The following RNF217 variants were observed in gnomAD, a reference collection of about 807,000 sequenced individuals.
RNF217 encodes ring finger protein 217.
RNF217 carries 31 observed loss-of-function variants against 57.8 expected under a neutral mutation model. The observed-to-expected ratio is 0.54, with a 90% CI of 0.40 to 0.72. The LOEUF (loss-of-function observed/expected upper bound fraction) is 0.72, where lower values mean the gene tolerates loss of function less well. Among genes scored for constraint, RNF217 ranks in the 30% least tolerant of loss-of-function variants. The pLI is 0.00. For missense variants in RNF217, 696 were observed against 708.3 expected (o/e 0.98, Z 0.20); for synonymous variants, 313 against 294.0 (o/e 1.06, Z -0.66).
intron 3 of RNF217, among the ~76,000 whole-genome samples, chr6:125,069,097 A>T (rs1309030317): frequency 6.6e-6 from 1 of 152,184 alleles, no homozygotes; most frequent in East Asian, 1.9e-4. Flanking sequence ...AGATTTGGAC[A>T]GTATACTACA....
intron 2 of RNF217, chr6:125,046,462 C>T (rs1437351294): frequency 2.5e-6 from 1 of 393,754 alleles, no homozygotes; most frequent in African/African-American, 2.1e-5. Context: ...CATGACACAC[C>T]AGTGCCCCAG....
intron 1 of RNF217, among the ~76,000 whole-genome samples, chr6:125,021,996 C>T (rs1319039100): frequency 6.6e-6 from 1 of 152,168 alleles, no homozygotes; most frequent in Non-Finnish European, 1.5e-5. Flanking sequence ...ATTCTCCTGC[C>T]TCAGCCTCCC....
chr6:125,009,330 C>A (rs766371835), intron 1 of RNF217: 14 of 1,288,362 alleles, frequency 1.1e-5, no homozygotes, highest in Admixed American at 6.8e-5. Flanking sequence ...CTGCAGGAGC[C>A]CTTGTAATCT....
chr6:125,067,947 GT>G (rs1211198911), intron 3 of RNF217, among the ~76,000 whole-genome samples: 3 of 152,146 alleles, frequency 2.0e-5, no homozygotes, highest in African/African-American at 7.2e-5. Context: ...AAGCAATAGT[GT>G]ATCAAAGGTC....
chr6:125,014,486 A>G (rs1208352509), intron 1 of RNF217, among the ~76,000 whole-genome samples: 1 of 152,144 alleles, frequency 6.6e-6, no homozygotes, highest in East Asian at 1.9e-4. Flanking sequence ...TGGTACAGCT[A>G]TTGTTCAAAC....
chr6:124,966,423 T>G (rs1188825581), intron 1 of RNF217, among the ~76,000 whole-genome samples: 3 of 152,206 alleles, frequency 2.0e-5, no homozygotes, highest in African/African-American at 7.2e-5. Flanking sequence ...AAGGGCATAG[T>G]GAGTGCTTTC....
At chr6:125,028,736 G>A (rs1326212013) in intron 1 of RNF217, among the ~76,000 whole-genome samples, 1 of 151,920 alleles carries the variant, frequency 6.6e-6, no homozygotes, top group Non-Finnish European at 1.5e-5. Flanking sequence ...TCACTTAAAA[G>A]AGAATGGTGT....
rs762638012 is a variant in RNF217, at chr6:125,081,435, G to A, written c.1484-1G>A. 1 of 1,610,192 alleles carries A rather than the reference G, an allele frequency of 6.2e-7. No homozygotes were observed. The highest frequency in any genetic ancestry group is 8.5e-7 in the Non-Finnish European group (1 of 1,177,748). ...AAATAATTTTGCCTTTTGTTTTCCA[G>A]CTGGAAAATTATTCATTGCACCTCT... On this transcript the variant is annotated splice_acceptor_variant, in intron 4 of 5. Coordinates refer to ENST00000521654, the MANE Select transcript of RNF217 (RefSeq NM_001286398.3). LOFTEE classifies it high-confidence loss of function.
Position 124,962,811 on chromosome 6 carries a change from A to T in RNF217, c.267A>T (p.Gly89=). 6.3e-7 allele frequency: 1 copy of T among 1,597,606 alleles called. No individual in the cohort carries two copies. The part of the protein sequence containing the change: ...SKSRAPAQPA[G]LALTGPLNPQ... The stretch of plus-strand genomic sequence containing the variant: ...GCCGAGCACCGGCGCAGCCTGCGGG[A>T]CTGGCACTCACCGGGCCTCTCAATC... Residue 89 remains glycine (G), a synonymous_variant, in exon 1 of 6, where the codon GGA becomes GGT. Coordinates refer to ENST00000521654, the MANE Select transcript of RNF217 (RefSeq NM_001286398.3). This position sits in a 1 kb window ranked among gnomAD's most constrained non-coding sequence, Gnocchi z 4.6.
chr6:125,046,627 G>A (rs1582749035), intron 2 of RNF217: 5 of 455,944 alleles, frequency 1.1e-5, no homozygotes. Context: ...GGATGAAGTG[G>A]TTTCAAAGGC....
intron 1 of RNF217, among the ~76,000 whole-genome samples, chr6:124,970,404 G>A (rs887545578): frequency 3.9e-4 from 60 of 152,296 alleles, no homozygotes; most frequent in African/African-American, 1.4e-3. Context: ...GCCAATGATT[G>A]CACATGGGAT....
At position 124,979,915 on chromosome 6, in the gene RNF217, TC is replaced by T. The variant is rs943360349; in HGVS notation, c.882+16490del. On this transcript the variant is annotated intron_variant, in intron 1 of 5. Transcript: ENST00000521654. ...TACAAGTGGTGGAGATGGCTCTGTCTCATGTCCTGTCACTTACTGGATCTTT... is the reference window on the plus strand; with the variant it reads ...TACAAGTGGTGGAGATGGCTCTGTCTATGTCCTGTCACTTACTGGATCTTT... 3.5e-4 allele frequency among the ~76,000 whole-genome samples: 53 copies of T among 152,312 alleles called. 1 individual carries two copies. The highest frequency in any genetic ancestry group is 3.1e-3 in the Admixed American group (47 of 15,302).
At chr6:125,074,344 GA>G (rs1788277446) in intron 3 of RNF217, among the ~76,000 whole-genome samples, 2 of 145,846 alleles carry the variant, frequency 1.4e-5, no homozygotes, top group Admixed American at 6.9e-5. Context: ...TAGATAGATA[GA>G]TAGATAGGGA....
chr6:125,061,605 T>G (rs1377621643), intron 3 of RNF217, among the ~76,000 whole-genome samples: 1 of 151,768 alleles, frequency 6.6e-6, no homozygotes, highest in Non-Finnish European at 1.5e-5. Context: ...TATTTCTTCC[T>G]TTTTATTTGA....
At chr6:125,030,925 T>G (rs915924080) in intron 1 of RNF217, among the ~76,000 whole-genome samples, 4 of 152,200 alleles carry the variant, frequency 2.6e-5, no homozygotes, top group Non-Finnish European at 5.9e-5. Flanking sequence ...ATGAGGGCCC[T>G]GCCCCTGCAG....
At chr6:125,019,830 C>CGG (rs1554287189) in intron 1 of RNF217, among the ~76,000 whole-genome samples, 13 of 116,266 alleles carry the variant, frequency 1.1e-4, no homozygotes, top group Admixed American at 7.1e-4. Context: ...CCCTTTTTTG[C>CGG]AGTGGGGGGG....
rs534668460 is a variant in RNF217, at chr6:124,962,903, G to A, written c.359G>A (p.Gly120Glu). 1.9e-6 allele frequency: 3 copies of A among 1,598,116 alleles called. No individual in the cohort carries two copies. In the South Asian group the frequency reaches 3.3e-5, roughly 18 times the overall value. ...EEEEAGDRKEGGDEQQEAPPG... is the reference protein window; with the variant it reads ...EEEEAGDRKEEGDEQQEAPPG... ...GAGGAAGCTGGGGATCGAAAAGAGG[G>A]AGGGGATGAACAGCAGGAGGCGCCC... The change falls in exon 1 of 6, where the codon GGA becomes GAA. Residue 120 changes from glycine (G) to glutamate (E), a missense_variant. Physicochemically the swap from Gly to Glu is moderately conservative, Grantham distance 98 (BLOSUM62 -2). Coordinates refer to ENST00000521654, the MANE Select transcript of RNF217 (RefSeq NM_001286398.3). This position sits in a 1 kb window ranked among gnomAD's most constrained non-coding sequence, Gnocchi z 4.6.
chr6:124,969,874 G>T (rs1562445423), intron 1 of RNF217, among the ~76,000 whole-genome samples: 1 of 151,574 alleles, frequency 6.6e-6, no homozygotes, highest in East Asian at 1.9e-4. Flanking sequence ...TTTTGGGGGG[G>T]TTGTCATGGA....
At chr6:125,082,446 C>T (rs1562500497) in intron 5 of RNF217, 3 of 1,605,774 alleles carry the variant, frequency 1.9e-6, no homozygotes, top group Non-Finnish European at 2.6e-6. Flanking sequence ...CTGTATTATA[C>T]AGTTGAGGAA....
Sources: allele counts gnomAD v4.1 joint callset (sites outside exome capture counted in the v4.1 genomes callset), GRCh38; gene constraint gnomAD v4.1.1; non-coding constraint Gnocchi (gnomAD v3.1); transcripts MANE v1.5; gene names NCBI Gene and HGNC (gene_info 2026-07-23, HGNC 2026-07-21).